Variants in LYZL1 observed in about 807,000 individuals in gnomAD.
LYZL1 encodes the protein lysozyme-like protein 1.
In LYZL1, 16 loss-of-function variants were observed where a neutral mutation model predicts 17.9. That is an observed-to-expected ratio of 0.90 (90% CI 0.61 to 1.36). LYZL1 has a LOEUF of 1.36. Among genes scored for constraint, LYZL1 ranks in the 40% most tolerant of loss-of-function variants. The pLI, the probability that LYZL1 is intolerant of heterozygous loss-of-function variation, is 0.00. For missense variants in LYZL1, 149 were observed against 188.4 expected, an observed-to-expected ratio of 0.79 and a Z score of 1.22; for synonymous variants, 58 against 71.8, an observed-to-expected ratio of 0.81 and a Z score of 0.97.
chr10:29,292,761 A>T, intron 3 of LYZL1, 84 bp downstream of exon 3: 1 of 1,530,902 alleles, frequency 6.5e-7, no homozygotes, highest in South Asian at 1.3e-5. Context: ...GTCTTGCTTT[A>T]ACTAAAATTT....
intron 3 of LYZL1, among the ~76,000 whole-genome samples, chr10:29,293,182 G>A (rs1209934910): frequency 7.3e-6 from 1 of 136,122 alleles, no homozygotes; most frequent in East Asian, 2.2e-4. Flanking sequence ...GCCTAGGCTG[G>A]AATGCAGTGA....
intron 3 of LYZL1, among the ~76,000 whole-genome samples, chr10:29,303,102 T>A (rs1438244825): frequency 6.6e-6 from 1 of 152,166 alleles, no homozygotes; most frequent in Non-Finnish European, 1.5e-5. Flanking sequence ...CCTGGGGTAG[T>A]TCTCTGCCTA....
intron 3 of LYZL1, among the ~76,000 whole-genome samples, chr10:29,295,939 C>G (rs1409417945): frequency 6.6e-6 from 1 of 152,132 alleles, no homozygotes; most frequent in African/African-American, 2.4e-5. Flanking sequence ...TGCCAAAACT[C>G]AAGTGAGCAA....
intron 4 of LYZL1, 45 bp downstream of exon 4, chr10:29,310,233 C>A: frequency 7.1e-7 from 1 of 1,399,218 alleles, no homozygotes; most frequent in South Asian, 1.2e-5. Context: ...TGGGCAAAAC[C>A]TAGTGTGTGT....
chr10:29,304,983 A>C (rs1033572070), intron 3 of LYZL1, among the ~76,000 whole-genome samples: 1 of 152,158 alleles, frequency 6.6e-6, no homozygotes, highest in African/African-American at 2.4e-5. Context: ...GGGCATCCAC[A>C]ATCAAACTGC....
At chr10:29,304,954 C>T (rs1371232681) in intron 3 of LYZL1, among the ~76,000 whole-genome samples, 4 of 152,154 alleles carry the variant, frequency 2.6e-5, no homozygotes, top group African/African-American at 2.4e-5. Context: ...ATGGCCCCAC[C>T]GTCCCAGAAA....
At chr10:29,308,007 AAAAATC>A (rs1835618815) in intron 3 of LYZL1, among the ~76,000 whole-genome samples, 1 of 152,148 alleles carries the variant, frequency 6.6e-6, no homozygotes, top group Non-Finnish European at 1.5e-5. Flanking sequence ...CCAATTCTCT[AAAAATC>A]AAAAACAAAA....
rs552081143 is a variant in LYZL1 at position 29,292,281 on chromosome 10, A to C, written c.140-238A>C. ...TGCTGGCATTGTGGGGAGTGGGGGG[A>C]CCTGACTGTTGGTCTAGATTAGGCT... On this transcript the variant is annotated intron_variant, in intron 2 of 4. Coordinates refer to ENST00000649382, the MANE Select transcript of LYZL1 (RefSeq NM_032517.6). 5.7e-3 allele frequency among the ~76,000 whole-genome samples: 845 copies of C among 147,888 alleles called. 5 individuals are homozygous for C. Among genetic ancestry groups the C allele is most frequent in the African/African-American group, 0.02 (805 of 40,296 alleles).
downstream of LYZL1, among the ~76,000 whole-genome samples, chr10:29,312,037 C>T (rs1206370560): frequency 4.6e-5 from 7 of 152,142 alleles, no homozygotes; most frequent in African/African-American, 1.7e-4. Flanking sequence ...CAGTGGCTCA[C>T]GCTTGTAATC....
At position 29,310,093 on chromosome 10, in the gene LYZL1, T is replaced by A. The variant is rs1196930333; in HGVS notation, c.299-17T>A. On this transcript the variant is annotated splice_polypyrimidine_tract_variant and intron_variant, in intron 3 of 4. Transcript: ENST00000649382. Reference sequence around the variant, plus strand: ...AACAAAGTCTCGCCTAACCCTGATGTCTTCTCTCTTTTACAGCCTTGATCA... The same window carrying A: ...AACAAAGTCTCGCCTAACCCTGATGACTTCTCTCTTTTACAGCCTTGATCA... 6.3e-6 allele frequency: 10 copies of A among 1,593,206 alleles called. No individual in the cohort carries two copies. Among genetic ancestry groups the A allele is most frequent in the Non-Finnish European group, 8.6e-6 (10 of 1,162,524 alleles).
chr10:29,289,562 G>A (rs137895393), intron 1 of LYZL1, among the ~76,000 whole-genome samples: 2,054 of 151,758 alleles, frequency 0.014, 44 homozygotes, highest in African/African-American at 0.047. Context: ...GGGACCACAG[G>A]CACACACCAC....
At chr10:29,317,504 A>T (rs1835746309) in intron 4 of LYZL1, 1 of 152,238 alleles carries the variant, frequency 6.6e-6, no homozygotes, top group South Asian at 2.1e-4. Flanking sequence ...TAAACATGCC[A>T]TTACCTTAGC....
intron 3 of LYZL1, among the ~76,000 whole-genome samples, chr10:29,304,217 C>T (rs999570989): frequency 4.6e-5 from 7 of 152,194 alleles, no homozygotes; most frequent in Non-Finnish European, 8.8e-5. Context: ...TATACCTACA[C>T]ATATACATAC....
chr10:29,289,759 G>C lies in LYZL1; in HGVS notation c.-26+529G>C, dbSNP rs114304134. ...AAACCTCGTTTGTCTGTCCCTCACAGCTTAACACAGTGCTGTACACAGCGG... is the reference window on the plus strand; with the variant it reads ...AAACCTCGTTTGTCTGTCCCTCACACCTTAACACAGTGCTGTACACAGCGG... On this transcript the variant is annotated intron_variant, in intron 1 of 4. Coordinates refer to ENST00000649382, the MANE Select transcript of LYZL1 (RefSeq NM_032517.6). Among the ~76,000 whole-genome samples, 1,065 of 152,194 alleles carry C rather than the reference G, an allele frequency of 7.0e-3. 7 individuals carry two copies. The highest frequency in any genetic ancestry group is 0.024 in the African/African-American group (1,002 of 41,530).
At position 29,293,640 on chromosome 10, in the gene LYZL1, G is replaced by A. The variant is rs1046579292; in HGVS notation, c.298+963G>A. The stretch of plus-strand genomic sequence containing the variant: ...AGTTAAATCATGTAAGGAGGAGTGC[G>A]CTGAGTGCCATGGGCTTCAGAGGAA... On this transcript the variant is annotated intron_variant, in intron 3 of 4. Transcript: ENST00000649382. Among the ~76,000 whole-genome samples the A allele has an allele frequency of 3.3e-5, 5 of 152,158 alleles. No homozygotes were observed. In the East Asian group the frequency reaches 7.7e-4, roughly 23 times the overall value.
chr10:29,299,773 A>G (rs1325270603), intron 3 of LYZL1, among the ~76,000 whole-genome samples: 1 of 152,182 alleles, frequency 6.6e-6, no homozygotes, highest in Non-Finnish European at 1.5e-5. Context: ...TTTGCATAAT[A>G]TGTTTCTTTC....
At chr10:29,313,557 T>C (rs998749138), downstream of LYZL1, among the ~76,000 whole-genome samples, 1 of 152,242 alleles carries the variant, frequency 6.6e-6, no homozygotes, top group Admixed American at 6.5e-5. Context: ...CTCATCTATC[T>C]TTTTGCAAAA....
At chr10:29,304,785 G>A (rs1046176393) in intron 3 of LYZL1, among the ~76,000 whole-genome samples, 7 of 152,158 alleles carry the variant, frequency 4.6e-5, no homozygotes, top group Non-Finnish European at 1.0e-4. Flanking sequence ...GGAGGCAGGA[G>A]GGAGCTCTTG....
chr10:29,302,931 A>T (rs1005560541), intron 3 of LYZL1, among the ~76,000 whole-genome samples: 2 of 152,158 alleles, frequency 1.3e-5, no homozygotes, highest in Non-Finnish European at 2.9e-5. Flanking sequence ...GAAGTTCTGG[A>T]GTAGTTTTTA....
Sources: gnomAD v4.1 joint callset for allele counts (sites outside exome capture counted in the v4.1 genomes callset) on GRCh38, gnomAD v4.1.1 for gene constraint, MANE v1.5 for transcripts, NCBI Gene and HGNC (gene_info 2026-07-23, HGNC 2026-07-21) for gene names.